The following GFM2 variants were observed in gnomAD, a reference collection of about 807,000 sequenced individuals.
GFM2 encodes the protein GTP dependent ribosome recycling factor mitochondrial 2.
In GFM2, 72 loss-of-function variants were observed where a neutral mutation model predicts 95.4. The observed-to-expected ratio is 0.76, with a 90% confidence interval of 0.62 to 0.92. The LOEUF (loss-of-function observed/expected upper bound fraction) is 0.92. Among genes scored for constraint, GFM2 ranks in the 40% least tolerant of loss-of-function variants. The probability of loss-of-function intolerance (pLI) is 0.00; values close to 1 mark genes in which losing one functional copy is unlikely to be tolerated. For synonymous variants in GFM2, 276 were observed against 317.5 expected, an observed-to-expected ratio of 0.87 and a Z score of 1.39; for missense variants, 825 against 924.1, an observed-to-expected ratio of 0.89 and a Z score of 1.39.
chr5:74,739,764 A>G (rs1390694001), intron 12 of GFM2, among the ~76,000 whole-genome samples: 1 of 152,174 alleles, frequency 6.6e-6, no homozygotes, highest in Non-Finnish European at 1.5e-5. Context: ...ACTTTTACAC[A>G]GTGAAAAGAC....
intron 7 of GFM2, among the ~76,000 whole-genome samples, chr5:74,749,181 T>A (rs894596431): frequency 1.3e-5 from 2 of 151,356 alleles, no homozygotes; most frequent in Non-Finnish European, 2.9e-5. Flanking sequence ...ACCCAGCTAA[T>A]TTTTTTTGTA....
At chr5:74,730,207 G>A in intron 17 of GFM2, 53 bp downstream of exon 17, 6 of 1,521,996 alleles carry the variant, frequency 3.9e-6, no homozygotes, top group Non-Finnish European at 5.3e-6. Flanking sequence ...ACTAAATAGA[G>A]AAAGAAAGAC....
At position 74,747,788 on chromosome 5, in the gene GFM2, A is replaced by G; in HGVS notation, c.520-8T>C. On this transcript the variant is annotated splice_polypyrimidine_tract_variant and splice_region_variant and intron_variant, in intron 7 of 20. Coordinates refer to ENST00000296805, the MANE Select transcript of GFM2 (RefSeq NM_032380.5). ...TACTGTGAGAGTCTGGGCCTAAAGC[A>G]AAGATGAGGAAAAAAATACATACTG... 6.6e-7 allele frequency: 1 copy of G among 1,526,144 alleles called. No individual in the cohort carries two copies. Among genetic ancestry groups the G allele is most frequent in the Non-Finnish European group, 9.1e-7 (1 of 1,104,274 alleles). The allele number at this position is 1,526,144 out of a possible 1,614,324, so 94.5% of individuals were successfully genotyped here. A position where few individuals can be genotyped will look rare whatever the true frequency, so the allele number is the denominator to read the frequency against.
Position 74,721,259 on chromosome 5 carries a change from TTTTTGAATAAAATATTTTTATTGA to T in GFM2, c.*372_*395del. The stretch of plus-strand genomic sequence containing the variant: ...CATGTAAAATAAGATATTAGACTGT[TTTTTGAATAAAATATTTTTATTGA>T]TTGAACCTTTGACCCTCTATCTTAT... On this transcript the variant is annotated 3_prime_UTR_variant, in exon 21 of 21. Transcript: ENST00000296805. 9.1e-7 allele frequency: 1 copy of T among 1,096,014 alleles called. No homozygotes were observed. The highest frequency in any genetic ancestry group is 1.4e-6 in the Non-Finnish European group (1 of 715,088). 67.9% of individuals were successfully genotyped at this position (1,096,014 alleles called of 1,614,324 possible).
chr5:74,751,768 T>C (rs1743726181), intron 5 of GFM2, among the ~76,000 whole-genome samples: 1 of 152,180 alleles, frequency 6.6e-6, no homozygotes, highest in African/African-American at 2.4e-5. Flanking sequence ...TTTTATTTCT[T>C]ACATAGCTTA....
At chr5:74,732,128 ATTTTTTTTT>A (rs533165001) in intron 16 of GFM2, among the ~76,000 whole-genome samples, 2 of 85,440 alleles carry the variant, frequency 2.3e-5, no homozygotes, top group Non-Finnish European at 4.5e-5. Flanking sequence ...CTAATTTTTA[ATTTTTTTTT>A]TTTTTTTTTT....
At chr5:74,744,958 T>G (rs1241869062) in intron 10 of GFM2, among the ~76,000 whole-genome samples, 4 of 152,210 alleles carry the variant, frequency 2.6e-5, no homozygotes, top group African/African-American at 9.6e-5. Context: ...TTGAGCAATG[T>G]CATAAAATAC....
chr5:74,746,220 A>C, intron 8 of GFM2, 55 bp from the exon 9 acceptor site: 2 of 970,366 alleles, frequency 2.1e-6, no homozygotes, highest in Non-Finnish European at 2.8e-6. Context: ...TCTTTACCAA[A>C]GGTATCAAGA....
intron 7 of GFM2, among the ~76,000 whole-genome samples, chr5:74,748,861 G>C (rs1412172069): frequency 1.0e-5 from 1 of 97,592 alleles, no homozygotes; most frequent in Non-Finnish European, 1.9e-5. Context: ...TGAGACTCCT[G>C]TCTCAAAATA....
Position 74,763,671 on chromosome 5 carries a change from A to G in GFM2, c.63+9T>C, listed in dbSNP as rs1183295401. ...TTAAAGGACACTTAATTTTATAAGA[A>G]ATGCTTACATTAATATACACACTGG... On this transcript the variant is annotated intron_variant, in intron 2 of 20. Coordinates refer to ENST00000296805, the MANE Select transcript of GFM2 (RefSeq NM_032380.5). 1 of 1,514,108 alleles carries G rather than the reference A, an allele frequency of 6.6e-7. No individual in the cohort carries two copies. 93.8% of individuals were successfully genotyped at this position (1,514,108 alleles called of 1,614,324 possible). A position where few individuals can be genotyped will look rare whatever the true frequency, so the allele number is the denominator to read the frequency against.
At chr5:74,722,001 G>GT (rs1447050749) in intron 20 of GFM2, among the ~76,000 whole-genome samples, 1 of 152,208 alleles carries the variant, frequency 6.6e-6, no homozygotes, top group Admixed American at 6.5e-5. Context: ...TGCTGCAGAT[G>GT]TATTTGTTAG....
At chr5:74,744,085 C>T (rs2083468179) in intron 10 of GFM2, among the ~76,000 whole-genome samples, 1 of 152,064 alleles carries the variant, frequency 6.6e-6, no homozygotes, top group Admixed American at 6.6e-5. Context: ...TAGGTGATTT[C>T]GTCATTCTAC....
chr5:74,750,698 C>CT (rs1441155354), intron 6 of GFM2, 31 bp from the exon 7 acceptor site: 2 of 1,504,002 alleles, frequency 1.3e-6, no homozygotes, highest in South Asian at 1.1e-5. Flanking sequence ...ATAATGCCTT[C>CT]TTTTTAACAA....
rs1401016369 is a variant in GFM2 at position 74,749,040 on chromosome 5, C to T, written c.520-1260G>A. 2.0e-5 allele frequency among the ~76,000 whole-genome samples: 3 copies of T among 151,386 alleles called. No homozygotes were observed. The South Asian group carries it at 6.3e-4, about 32-fold the overall frequency. ...TTTAATTTTTTTTGAGACAGGGTCT[C>T]ACTCTGTTGCCCAGGCTGGAATGCA... On this transcript the variant is annotated intron_variant, in intron 7 of 20. Transcript: ENST00000296805.
At chr5:74,765,172 CTTCT>C (rs1744498737) in intron 1 of GFM2, 4 of 1,065,364 alleles carry the variant, frequency 3.8e-6, no homozygotes, top group African/African-American at 1.7e-5. Flanking sequence ...ACATTTTCCT[CTTCT>C]TTAACTCAGT....
chr5:74,746,818 C>G (rs952724977), intron 8 of GFM2, among the ~76,000 whole-genome samples: 1 of 151,976 alleles, frequency 6.6e-6, no homozygotes, highest in Non-Finnish European at 1.5e-5. Context: ...CACAGGAACT[C>G]CAAGCAGAAA....
At chr5:74,757,377 G>T (rs907355959) in intron 5 of GFM2, among the ~76,000 whole-genome samples, 14 of 152,072 alleles carry the variant, frequency 9.2e-5, no homozygotes, top group African/African-American at 3.4e-4. Context: ...CATGACTTTT[G>T]TAGGTGATTT....
At chr5:74,751,622 C>G in intron 5 of GFM2, 129 bp from the exon 6 acceptor site, 1 of 588,788 alleles carries the variant, frequency 1.7e-6, no homozygotes, top group South Asian at 3.1e-5. Flanking sequence ...TTTAATAGAG[C>G]CTTTACTCTT....
chr5:74,744,358 T>A (rs971234242), intron 10 of GFM2, among the ~76,000 whole-genome samples: 70 of 144,320 alleles, frequency 4.9e-4, no homozygotes, highest in Non-Finnish European at 9.3e-4. Flanking sequence ...TACATGACTA[T>A]ACTTAAAAAA....
Sources: allele counts gnomAD v4.1 joint callset (sites outside exome capture counted in the v4.1 genomes callset), GRCh38; gene constraint gnomAD v4.1.1; transcripts MANE v1.5; gene names NCBI Gene and HGNC (gene_info 2026-07-23, HGNC 2026-07-21).